Variants in PSPC1 observed in about 807,000 individuals in gnomAD.
PSPC1 encodes the protein paraspeckle component 1, also known as paraspeckle protein 1.
PSPC1 carries 14 observed loss-of-function variants against 51.6 expected under a neutral mutation model. That is an observed-to-expected ratio of 0.27 (90% confidence interval 0.18 to 0.42). The LOEUF is 0.42. PSPC1 is among the 10% of genes least tolerant of loss of function. The pLI is 1.00. For missense variants in PSPC1, 406 were observed against 701.1 expected (o/e 0.58, Z 4.75); for synonymous variants, 193 against 231.9 (o/e 0.83, Z 1.53).
At chr13:19,703,628 A>C in intron 8 of PSPC1, among the ~76,000 whole-genome samples, 1 of 152,234 alleles carries the variant, frequency 6.6e-6, no homozygotes, top group East Asian at 1.9e-4. Flanking sequence ...TCGTGACAGA[A>C]GCAAATGTAA....
downstream of PSPC1, chr13:19,672,926 C>T (rs1211352362): frequency 3.5e-5 from 13 of 368,656 alleles, no homozygotes; most frequent in Non-Finnish European, 5.7e-5. Context: ...TGGGGTGGAA[C>T]AAGCCTGTAG....
chr13:19,752,486 C>A (rs1317485880), intron 3 of PSPC1, among the ~76,000 whole-genome samples: 4 of 152,024 alleles, frequency 2.6e-5, no homozygotes, highest in Non-Finnish European at 5.9e-5. Flanking sequence ...AAACTCCTGG[C>A]CTCAAGTAAT....
chr13:19,713,037 AAATATT>A (rs2137797640), intron 6 of PSPC1, among the ~76,000 whole-genome samples: 1 of 152,342 alleles, frequency 6.6e-6, no homozygotes, highest in South Asian at 2.1e-4. Flanking sequence ...TAAATCTATC[AAATATT>A]AATAAGAATC....
At chr13:19,676,083 T>C (rs1463907106) in intron 7 of PSPC1, among the ~76,000 whole-genome samples, 2 of 152,146 alleles carry the variant, frequency 1.3e-5, no homozygotes, top group African/African-American at 4.8e-5. Flanking sequence ...ATAGAATCTC[T>C]CTCCCCTTCT....
intron 7 of PSPC1, 95 bp from the exon 8 acceptor site, chr13:19,705,926 T>C: frequency 9.3e-7 from 1 of 1,077,672 alleles, no homozygotes; most frequent in Non-Finnish European, 1.3e-6. Flanking sequence ...ACCAAGACCA[T>C]TATCAAAATT....
intron 6 of PSPC1, among the ~76,000 whole-genome samples, chr13:19,683,919 T>C (rs1877564168): frequency 6.6e-6 from 1 of 152,174 alleles, no homozygotes; most frequent in South Asian, 2.1e-4. Flanking sequence ...AGACTCATAG[T>C]TGAATAAAGT....
intron 6 of PSPC1, among the ~76,000 whole-genome samples, chr13:19,711,924 C>T (rs7335253): frequency 0.018 from 2,727 of 151,846 alleles, 85 homozygotes; most frequent in African/African-American, 0.062. Flanking sequence ...TAAAATAAAG[C>T]TTCTGTTATC....
At chr13:19,698,593 T>G (rs1400231058), downstream of PSPC1, among the ~76,000 whole-genome samples, 1 of 151,878 alleles carries the variant, frequency 6.6e-6, no homozygotes, top group African/African-American at 2.4e-5. Flanking sequence ...ATGTGAAATT[T>G]GAGTGATTTA....
At chr13:19,748,698 T>C (rs1886240287) in intron 4 of PSPC1, among the ~76,000 whole-genome samples, 1 of 151,174 alleles carries the variant, frequency 6.6e-6, no homozygotes, top group African/African-American at 2.4e-5. Context: ...TTAGTACAGA[T>C]GCTTCCACAT....
chr13:19,743,325 A>T (rs1354921733), intron 4 of PSPC1, among the ~76,000 whole-genome samples: 1 of 152,214 alleles, frequency 6.6e-6, no homozygotes, highest in Non-Finnish European at 1.5e-5. Flanking sequence ...AAACACCTGT[A>T]CTCAAGAGTT....
intron 6 of PSPC1, among the ~76,000 whole-genome samples, chr13:19,717,621 G>A (rs1437098755): frequency 1.3e-5 from 2 of 148,792 alleles, no homozygotes; most frequent in African/African-American, 2.5e-5. Flanking sequence ...CAGGAAAATC[G>A]CTTGAAACCA....
At chr13:19,713,584 C>A (rs1011102328) in intron 6 of PSPC1, among the ~76,000 whole-genome samples, 4 of 142,226 alleles carry the variant, frequency 2.8e-5, no homozygotes, top group South Asian at 4.5e-4. Context: ...ACAGTCGAAG[C>A]CTAACAAAAG....
At chr13:19,772,602 G>T in intron 1 of PSPC1, 59 bp from the exon 2 acceptor site, 1 of 1,504,870 alleles carries the variant, frequency 6.6e-7, no homozygotes, top group Non-Finnish European at 8.9e-7. Context: ...ATTCAAAACA[G>T]TGTTTGGCTT....
At chr13:19,706,629 C>T (rs549126520) in intron 7 of PSPC1, among the ~76,000 whole-genome samples, 35 of 152,082 alleles carry the variant, frequency 2.3e-4, no homozygotes, top group African/African-American at 6.5e-4. Flanking sequence ...CACTGTAATA[C>T]TACATATATG....
At chr13:19,773,517 C>T (rs368810456) in intron 1 of PSPC1, among the ~76,000 whole-genome samples, 3 of 152,104 alleles carry the variant, frequency 2.0e-5, no homozygotes, top group African/African-American at 7.2e-5. Flanking sequence ...GGATTACAGG[C>T]GTGAGCCACC....
intron 4 of PSPC1, among the ~76,000 whole-genome samples, chr13:19,750,375 G>A (rs1259188574): frequency 1.3e-5 from 2 of 151,120 alleles, no homozygotes; most frequent in Non-Finnish European, 2.9e-5. Context: ...GAGGCTGCAG[G>A]GAGACAATAT....
chr13:19,723,477 A>AT (rs1330278860), intron 6 of PSPC1, among the ~76,000 whole-genome samples: 1 of 152,210 alleles, frequency 6.6e-6, no homozygotes, highest in African/African-American at 2.4e-5. Context: ...AAGAAAGCCC[A>AT]TTTTATGCCT....
chr13:19,687,155 C>T (rs182184757), intron 6 of PSPC1, among the ~76,000 whole-genome samples: 344 of 152,186 alleles, frequency 2.3e-3, no homozygotes, highest in African/African-American at 8.0e-3. Flanking sequence ...GAGCTGAAAT[C>T]GCGCCACTGC....
At chr13:19,777,484 G>C (rs147661707) in intron 1 of PSPC1, among the ~76,000 whole-genome samples, 17 of 150,390 alleles carry the variant, frequency 1.1e-4, no homozygotes, top group African/African-American at 3.4e-4. Context: ...TCACCAAATG[G>C]CGAGCTGTCT....
Sources: allele counts gnomAD v4.1 joint callset (sites outside exome capture counted in the v4.1 genomes callset), GRCh38; gene constraint gnomAD v4.1.1; transcripts MANE v1.5; gene names NCBI Gene and HGNC (gene_info 2026-07-23, HGNC 2026-07-21).